The following CRB1 variants were observed in gnomAD, a reference collection of about 807,000 sequenced individuals.
CRB1 encodes the protein crumbs cell polarity complex component 1, also known as protein crumbs homolog 1.
CRB1 carries 83 observed loss-of-function variants against 120.0 expected under a neutral mutation model. That is an observed-to-expected ratio of 0.69 (90% CI 0.58 to 0.83). The LOEUF (loss-of-function observed/expected upper bound fraction) is 0.83, where lower values mean the gene tolerates loss of function less well. Ranked by LOEUF, CRB1 falls within the 40% of genes least tolerant of loss-of-function variation. The probability of loss-of-function intolerance (pLI) is 0.00; values close to 1 mark genes in which losing one functional copy is unlikely to be tolerated. For missense variants in CRB1, 1,699 were observed against 1,687.6 expected (o/e 1.01, Z -0.12); for synonymous variants, 625 against 612.5 (o/e 1.02, Z -0.30).
intron 1 of CRB1, among the ~76,000 whole-genome samples, chr1:197,289,134 G>A (rs1309644418): frequency 6.6e-6 from 1 of 151,306 alleles, no homozygotes; most frequent in African/African-American, 2.4e-5. Flanking sequence ...AAAAACAAAA[G>A]CAAAACAAAA....
the CRB1 span, among the ~76,000 whole-genome samples, chr1:197,241,350 T>C: frequency 1.3e-5 from 2 of 152,226 alleles, no homozygotes; most frequent in Admixed American, 6.5e-5. Context: ...CATTTCAGTC[T>C]TTAATCCATC....
At chr1:197,320,873 C>T (rs1278850334) in intron 1 of CRB1, among the ~76,000 whole-genome samples, 4 of 152,100 alleles carry the variant, frequency 2.6e-5, no homozygotes, top group Non-Finnish European at 5.9e-5. Context: ...GTTATGATGT[C>T]TCATGCATTT....
At chr1:197,218,521 G>T in the CRB1 span, among the ~76,000 whole-genome samples, 7 of 152,324 alleles carry the variant, frequency 4.6e-5, no homozygotes, top group African/African-American at 1.4e-4. Context: ...TGGCCCATAG[G>T]CCCTATTGAT....
intron 5 of CRB1, among the ~76,000 whole-genome samples, chr1:197,367,367 A>G (rs1395366933): frequency 6.6e-6 from 1 of 152,210 alleles, no homozygotes; most frequent in Non-Finnish European, 1.5e-5. Context: ...AGCCATAAAA[A>G]GGCACCATTA....
chr1:197,202,111 C>CA, the CRB1 span, among the ~76,000 whole-genome samples: 1 of 152,016 alleles, frequency 6.6e-6, no homozygotes, highest in African/African-American at 2.4e-5. Flanking sequence ...AAGGCTGAGA[C>CA]AAAATAGGAT....
chr1:197,344,525 G>A, intron 3 of CRB1, 49 bp downstream of exon 3: 1 of 1,553,818 alleles, frequency 6.4e-7, no homozygotes, highest in African/African-American at 1.4e-5. Flanking sequence ...CCCTGACCAT[G>A]AACTATTTTA....
intron 5 of CRB1, among the ~76,000 whole-genome samples, chr1:197,410,349 T>C (rs1487234394): frequency 6.6e-6 from 1 of 152,222 alleles, no homozygotes; most frequent in Non-Finnish European, 1.5e-5. Flanking sequence ...ATCTTCGTTC[T>C]TGATTATGTT....
At chr1:197,409,441 C>A (rs1194749354) in intron 5 of CRB1, among the ~76,000 whole-genome samples, 9 of 152,060 alleles carry the variant, frequency 5.9e-5, no homozygotes, top group Non-Finnish European at 1.2e-4. Flanking sequence ...ATGTTGCATA[C>A]AATTTTGTAT....
Position 197,435,146 on chromosome 1 carries a change from G to A in CRB1, c.3283G>A (p.Gly1095Arg), listed in dbSNP as rs764000496. Reference sequence around the variant, plus strand: ...TATTGACAATATAAAGGGCCTGCAAGGGTGTCTAAGTACAATAGAAATCGG... The same window carrying A: ...TATTGACAATATAAAGGGCCTGCAAAGGTGTCTAAGTACAATAGAAATCGG... ...RAIDNIKGLQ[G>R]CLSTIEIGGI... Residue 1095 changes from glycine to arginine, a missense_variant, in exon 9 of 12, where the codon GGG (glycine) becomes AGG (arginine). Gly to Arg is a moderately radical substitution (Grantham distance 125, BLOSUM62 -2). Coordinates refer to ENST00000367400, the MANE Select transcript of CRB1 (RefSeq NM_201253.3). The A allele has an allele frequency of 6.2e-7, 1 of 1,613,890 alleles. No homozygotes were observed. Among genetic ancestry groups the A allele is most frequent in the Non-Finnish European group, 8.5e-7 (1 of 1,179,846 alleles).
At chr1:197,219,376 T>C in the CRB1 span, among the ~76,000 whole-genome samples, 1 of 152,194 alleles carries the variant, frequency 6.6e-6, no homozygotes, top group Non-Finnish European at 1.5e-5. Context: ...TTTCACTTGA[T>C]TTTTGTGCCT....
intron 11 of CRB1, among the ~76,000 whole-genome samples, chr1:197,452,470 A>G (rs1473755799): frequency 6.6e-6 from 1 of 152,236 alleles, no homozygotes; most frequent in African/African-American, 2.4e-5. Context: ...GACAAGGCTG[A>G]GTCTGGCTTG....
At chr1:197,442,095 T>A in intron 10 of CRB1, 71 bp from the exon 11 acceptor site, 1 of 1,605,518 alleles carries the variant, frequency 6.2e-7, no homozygotes, top group Non-Finnish European at 8.5e-7. Context: ...TAAGGCAAAC[T>A]TTTTCTTCCC....
intron 11 of CRB1, among the ~76,000 whole-genome samples, chr1:197,461,200 GA>G (rs554680015): frequency 2.2e-4 from 33 of 152,242 alleles, no homozygotes; most frequent in Non-Finnish European, 4.4e-4. Context: ...TTTATTTGCA[GA>G]ACTCTAAGTA....
At chr1:197,433,972 T>C (rs1664999356) in intron 8 of CRB1, among the ~76,000 whole-genome samples, 1 of 152,164 alleles carries the variant, frequency 6.6e-6, no homozygotes, top group South Asian at 2.1e-4. Context: ...AATTAGATAT[T>C]TTAAGAGACA....
the CRB1 span, among the ~76,000 whole-genome samples, chr1:197,213,031 T>C: frequency 6.6e-6 from 1 of 152,128 alleles, no homozygotes; most frequent in Non-Finnish European, 1.5e-5. Flanking sequence ...AAATTGAAAC[T>C]ATGAAAGTAC....
chr1:197,242,126 C>G, the CRB1 span, among the ~76,000 whole-genome samples: 2 of 152,132 alleles, frequency 1.3e-5, no homozygotes, highest in Non-Finnish European at 2.9e-5. Context: ...ACAATTATGT[C>G]ATCTGCAGAG....
chr1:197,403,025 A>G (rs1299520446), intron 5 of CRB1, among the ~76,000 whole-genome samples: 1 of 152,162 alleles, frequency 6.6e-6, no homozygotes, highest in African/African-American at 2.4e-5. Flanking sequence ...TTATTTCCAC[A>G]GAAATCAAGT....
intron 1 of CRB1, among the ~76,000 whole-genome samples, chr1:197,278,385 A>G (rs1316580314): frequency 6.6e-6 from 1 of 151,972 alleles, no homozygotes; most frequent in African/African-American, 2.4e-5. Flanking sequence ...AAGAACAACA[A>G]CAAAAATTCT....
intron 5 of CRB1, among the ~76,000 whole-genome samples, chr1:197,411,364 GTAA>G (rs1663704408): frequency 6.6e-6 from 1 of 152,116 alleles, no homozygotes; most frequent in Admixed American, 6.5e-5. Flanking sequence ...ACAGAATAAA[GTAA>G]ACCATAGGCT....
Sources: allele counts gnomAD v4.1 joint callset (sites outside exome capture counted in the v4.1 genomes callset), GRCh38; gene constraint gnomAD v4.1.1; transcripts MANE v1.5; gene names NCBI Gene and HGNC (gene_info 2026-07-23, HGNC 2026-07-21).